STX8: variants seen among roughly 807,000 people sequenced by gnomAD.
STX8 encodes syntaxin-8.
Under a neutral mutation model 37.5 loss-of-function variants are expected in STX8, and 23 were observed. The ratio of observed to expected loss-of-function variants is 0.61; its 90% CI spans 0.44 to 0.87. STX8 has a LOEUF of 0.87. Among genes scored for constraint, STX8 ranks in the 40% least tolerant of loss-of-function variants. The pLI is 0.00. For missense variants in STX8, 313 were observed against 284.7 expected (o/e 1.10, Z -0.71); for synonymous variants, 115 against 99.1 (o/e 1.16, Z -0.95).
chr17:9,343,034 A>AG (rs1283163558), intron 7 of STX8, among the ~76,000 whole-genome samples: 39 of 131,292 alleles, frequency 3.0e-4, no homozygotes, highest in African/African-American at 1.5e-3. Context: ...AAAAAAAAAA[A>AG]AAAAAAAAAG....
At chr17:9,368,386 C>T (rs1241596096) in intron 7 of STX8, among the ~76,000 whole-genome samples, 1 of 152,096 alleles carries the variant, frequency 6.6e-6, no homozygotes, top group Admixed American at 6.5e-5. Flanking sequence ...TGCCTGCAGT[C>T]CCAGCTACTC....
intron 7 of STX8, among the ~76,000 whole-genome samples, chr17:9,289,381 TAGC>T (rs1908223097): frequency 6.6e-6 from 1 of 152,160 alleles, no homozygotes; most frequent in East Asian, 1.9e-4. Flanking sequence ...TAAGAAGGCC[TAGC>T]AGAGGAGTGC....
chr17:9,498,850 C>T (rs12942508), intron 5 of STX8, among the ~76,000 whole-genome samples: 12,957 of 152,262 alleles, frequency 0.085, 698 homozygotes, highest in South Asian at 0.14. Flanking sequence ...CCAAGGTCTG[C>T]GATCCCACTC....
chr17:9,338,093 G>A (rs148314815), intron 7 of STX8, among the ~76,000 whole-genome samples: 9,555 of 134,180 alleles, frequency 0.071, 518 homozygotes, highest in East Asian at 0.2. Context: ...CACTCTTGTC[G>A]CCCAGGCTGG....
At chr17:9,509,663 C>T (rs1786829835) in intron 4 of STX8, among the ~76,000 whole-genome samples, 1 of 152,068 alleles carries the variant, frequency 6.6e-6, no homozygotes, top group Non-Finnish European at 1.5e-5. Context: ...AGCCTTATCA[C>T]TTCAGAACAC....
At chr17:9,472,834 C>T (rs1905929370) in intron 6 of STX8, among the ~76,000 whole-genome samples, 1 of 152,178 alleles carries the variant, frequency 6.6e-6, no homozygotes, top group African/African-American at 2.4e-5. Flanking sequence ...GGAAAACCCT[C>T]ATCCCTTTCT....
chr17:9,488,261 G>A (rs1335077563), intron 6 of STX8, among the ~76,000 whole-genome samples: 2 of 151,622 alleles, frequency 1.3e-5, no homozygotes, highest in African/African-American at 4.9e-5. Flanking sequence ...GGGAGATGGA[G>A]GTTGCAGTGA....
Position 9,466,464 on chromosome 17 carries a change from G to C in STX8, c.541+25365C>G, listed in dbSNP as rs532920407. Among the ~76,000 whole-genome samples the C allele has an allele frequency of 9.1e-4, 139 of 152,246 alleles. 5 individuals carry two copies. In the South Asian group the frequency reaches 0.029, roughly 31 times the overall value. ...CCTGGGAGATAAGTACTACTTCCAAGATGAAAGGCATTTTTGGCTCTTGAG... is the reference window on the plus strand; with the variant it reads ...CCTGGGAGATAAGTACTACTTCCAACATGAAAGGCATTTTTGGCTCTTGAG... On this transcript the variant is annotated intron_variant, in intron 6 of 7. Coordinates refer to ENST00000306357, the MANE Select transcript of STX8 (RefSeq NM_004853.3).
At chr17:9,539,254 G>A (rs1328907215) in intron 4 of STX8, among the ~76,000 whole-genome samples, 1 of 292 alleles carries the variant, frequency 3.4e-3, no homozygotes, top group African/African-American at 3.9e-3. Context: ...ATATGAGGAA[G>A]AAGAGAAAAG....
At chr17:9,445,232 G>A (rs560311071) in intron 6 of STX8, among the ~76,000 whole-genome samples, 3 of 152,074 alleles carry the variant, frequency 2.0e-5, no homozygotes, top group South Asian at 4.2e-4. Context: ...CATAAAAAAT[G>A]AATACCTATT....
chr17:9,479,636 A>G (rs1288236950), intron 6 of STX8, among the ~76,000 whole-genome samples: 1 of 149,068 alleles, frequency 6.7e-6, no homozygotes, highest in Non-Finnish European at 1.5e-5. Flanking sequence ...TATAATATAT[A>G]TAAATTATAT....
chr17:9,430,012 T>TA (rs1445302639), intron 6 of STX8, among the ~76,000 whole-genome samples: 2 of 23,660 alleles, frequency 8.5e-5, no homozygotes, highest in East Asian at 7.4e-4. Flanking sequence ...ATATTATATA[T>TA]TATATATTAT....
At chr17:9,437,041 G>A (rs569774923) in intron 6 of STX8, among the ~76,000 whole-genome samples, 5 of 152,176 alleles carry the variant, frequency 3.3e-5, no homozygotes, top group Non-Finnish European at 7.3e-5. Context: ...TTAAAAGCCT[G>A]TGACAAGCTG....
Position 9,557,844 on chromosome 17 carries a change from C to T in STX8, c.118-316G>A, listed in dbSNP as rs578033057. Among the ~76,000 whole-genome samples the T allele has an allele frequency of 6.6e-5, 10 of 152,260 alleles. No individual in the cohort carries two copies. In the East Asian group the frequency reaches 1.9e-3, roughly 29 times the overall value. The stretch of plus-strand genomic sequence containing the variant: ...TGAATCCTGTCACCTGAGCTTCTAC[C>T]CCATTGATCCTATGTATCTACCTTG... On this transcript the variant is annotated intron_variant, in intron 2 of 7. Transcript: ENST00000306357.
rs201145334 is a variant in STX8, at chr17:9,547,782, C to CT, written c.213-2501dup. Among the ~76,000 whole-genome samples, 570 of 129,810 alleles carry CT rather than the reference C, an allele frequency of 4.4e-3. 2 individuals are homozygous for CT. The highest frequency in any genetic ancestry group is 9.6e-3 in the East Asian group (46 of 4,770). The allele number at this position is 129,810 out of a possible 152,430, so 85.2% of individuals were successfully genotyped here. On this transcript the variant is annotated intron_variant, in intron 3 of 7. Coordinates refer to ENST00000306357, the MANE Select transcript of STX8 (RefSeq NM_004853.3). ...ACATTCTTTCCTTTTCTTTTCTTTT[C>CT]TTTTTTTTTTTTTTGTTTTGTTTTG... is the stretch of plus-strand genomic sequence containing the variant.
At position 9,507,037 on chromosome 17, in the gene STX8, A is replaced by G. The variant is rs1018393265; in HGVS notation, c.324-1875T>C. ...CCACCCTCTGCACTTTCAGCCACAG[A>G]AACAGTCCCACCCAGGGCAAACCCA... On this transcript the variant is annotated intron_variant, in intron 4 of 7. Transcript: ENST00000306357. This position sits in a 1 kb window ranked among gnomAD's most constrained non-coding sequence, Gnocchi z 4.0. Among the ~76,000 whole-genome samples the G allele has an allele frequency of 1.3e-5, 2 of 151,958 alleles. No homozygotes were observed. The highest frequency in any genetic ancestry group is 4.8e-5 in the African/African-American group (2 of 41,350).
At chr17:9,500,677 G>T (rs1362233110) in intron 5 of STX8, among the ~76,000 whole-genome samples, 1 of 152,142 alleles carries the variant, frequency 6.6e-6, no homozygotes, top group African/African-American at 2.4e-5. Context: ...GCAACAATTA[G>T]AAATTGATAT....
chr17:9,315,016 C>A (rs900725183), intron 7 of STX8, among the ~76,000 whole-genome samples: 1 of 150,082 alleles, frequency 6.7e-6, no homozygotes, highest in Middle Eastern at 3.4e-3. Flanking sequence ...GCAGGAGAAT[C>A]GCTTGAATCC....
At chr17:9,291,580 T>C (rs559798634) in intron 7 of STX8, among the ~76,000 whole-genome samples, 3 of 152,344 alleles carry the variant, frequency 2.0e-5, no homozygotes, top group African/African-American at 7.2e-5. Flanking sequence ...AATATGGTAT[T>C]AGTTTAGGAA....
Sources: allele counts gnomAD v4.1 joint callset (sites outside exome capture counted in the v4.1 genomes callset), GRCh38; gene constraint gnomAD v4.1.1; non-coding constraint Gnocchi (gnomAD v3.1); transcripts MANE v1.5; gene names NCBI Gene and HGNC (gene_info 2026-07-23, HGNC 2026-07-21).